Variants in HHIP observed in about 807,000 individuals in gnomAD.
The protein encoded by HHIP is hedgehog-interacting protein.
A neutral mutation model predicts 74.0 loss-of-function variants in HHIP; 12 were observed. The observed-to-expected ratio is 0.16, with a 90% CI of 0.10 to 0.26. The LOEUF (loss-of-function observed/expected upper bound fraction) is 0.26. Ranked by LOEUF, HHIP falls within the 10% of genes least tolerant of loss-of-function variation. The pLI, the probability that HHIP is intolerant of heterozygous loss-of-function variation, is 1.00. For missense variants in HHIP, 788 were observed against 845.0 expected, an observed-to-expected ratio of 0.93 and a Z score of 0.84; for synonymous variants, 309 against 311.6, an observed-to-expected ratio of 0.99 and a Z score of 0.09.
chr4:144,714,578 G>A (rs1730395653), intron 9 of HHIP, among the ~76,000 whole-genome samples: 1 of 151,982 alleles, frequency 6.6e-6, no homozygotes, highest in Non-Finnish European at 1.5e-5. Context: ...AATTTTTAAG[G>A]GCACAGAAGT....
In HHIP at chr4:144,744,155, G is replaced by A. The variant is rs944468342; in HGVS notation, c.*6198G>A. The A allele has an allele frequency of 8.6e-5, 13 of 152,016 alleles. No homozygotes were observed. The highest frequency in any genetic ancestry group is 2.7e-4 in the African/African-American group (11 of 41,394). The allele number at this position is 152,016 out of a possible 1,614,324, so 9.4% of individuals were successfully genotyped here. A position where few individuals can be genotyped will look rare whatever the true frequency, so the allele number is the denominator to read the frequency against. ...TAACTGAGGTACTATGGAATTTTTAGAACTTGATTCCCCAGGACATGCTAC... is the reference window on the plus strand; with the variant it reads ...TAACTGAGGTACTATGGAATTTTTAAAACTTGATTCCCCAGGACATGCTAC... On this transcript the variant is annotated 3_prime_UTR_variant, in exon 13 of 13. Coordinates refer to ENST00000296575, the MANE Select transcript of HHIP (RefSeq NM_022475.3).
Position 144,724,931 on chromosome 4 carries a change from A to T in HHIP, c.1760+5975A>T, listed in dbSNP as rs377562370. On this transcript the variant is annotated intron_variant, in intron 11 of 12. Transcript: ENST00000296575. The stretch of plus-strand genomic sequence containing the variant: ...CATCTAAAAAGCCATAAAATGGAGA[A>T]TGTGAATGGTGAAGAATATATTCTT... Among the ~76,000 whole-genome samples, 18 of 152,008 alleles carry T rather than the reference A, an allele frequency of 1.2e-4. No homozygotes were observed. The South Asian group carries it at 3.7e-3, about 32-fold the overall frequency.
chr4:144,675,923 G>C (rs60776266), intron 4 of HHIP, among the ~76,000 whole-genome samples: 10,428 of 152,160 alleles, frequency 0.069, 676 homozygotes, highest in East Asian at 0.21. Context: ...CTTTGGAGGA[G>C]ATCAACAATA....
chr4:144,672,430 T>A (rs187712853), intron 4 of HHIP, among the ~76,000 whole-genome samples: 4 of 152,250 alleles, frequency 2.6e-5, no homozygotes, highest in African/African-American at 9.6e-5. Context: ...AAGGTGAAGA[T>A]ATACCATGAC....
At chr4:144,708,103 T>C (rs1447950365) in intron 6 of HHIP, 65 bp from the exon 7 acceptor site, 2 of 1,502,646 alleles carry the variant, frequency 1.3e-6, no homozygotes, top group Non-Finnish European at 1.8e-6. Flanking sequence ...AACCTCACCA[T>C]ATTTAATATA....
At position 144,742,990 on chromosome 4, in the gene HHIP, AT is replaced by A. The variant is rs1339103109; in HGVS notation, c.*5034del. The stretch of plus-strand genomic sequence containing the variant: ...ATATATGTATATATATATACATTAT[AT>A]ATATATAATATATATATATTATATA... On this transcript the variant is annotated 3_prime_UTR_variant, in exon 13 of 13. Coordinates refer to ENST00000296575, the MANE Select transcript of HHIP (RefSeq NM_022475.3). The A allele has an allele frequency of 0.3, 292 of 962 alleles. 6 individuals are homozygous for A. Among genetic ancestry groups the A allele is most frequent in the Admixed American group, 0.5 (17 of 34 alleles). 0.1% of individuals were successfully genotyped at this position (962 alleles called of 1,614,324 possible).
chr4:144,653,469 A>G (rs1029030390), intron 2 of HHIP, among the ~76,000 whole-genome samples: 4 of 152,166 alleles, frequency 2.6e-5, no homozygotes, highest in Non-Finnish European at 5.9e-5. Flanking sequence ...CCTAGTCACT[A>G]TTGTAGTTTG....
intron 4 of HHIP, among the ~76,000 whole-genome samples, chr4:144,701,922 A>G (rs911085340): frequency 6.6e-6 from 1 of 152,246 alleles, no homozygotes. Context: ...CTGTAACCAC[A>G]TTAAAGTATG....
At chr4:144,664,427 A>G (rs1274803473) in intron 4 of HHIP, among the ~76,000 whole-genome samples, 1 of 152,222 alleles carries the variant, frequency 6.6e-6, no homozygotes, top group Non-Finnish European at 1.5e-5. Flanking sequence ...TGTGAAATCT[A>G]AGTCCTCATC....
intron 4 of HHIP, among the ~76,000 whole-genome samples, chr4:144,670,718 A>AC (rs1292033443): frequency 3.3e-5 from 5 of 149,664 alleles, no homozygotes; most frequent in African/African-American, 9.9e-5. Flanking sequence ...AAAAAAAAAA[A>AC]AAACAAACAA....
Position 144,646,521 on chromosome 4 carries a change from C to G in HHIP, c.-155C>G, listed in dbSNP as rs1307394009. 6 of 678,688 alleles carry G rather than the reference C, an allele frequency of 8.8e-6. No homozygotes were observed. In the East Asian group the frequency reaches 1.1e-4, roughly 12 times the overall value. The allele number at this position is 678,688 out of a possible 1,614,324, so 42.0% of individuals were successfully genotyped here. Reference sequence around the variant, plus strand: ...TCTTTTATTTTTTGCAAAGTTGCATCGCTGTACATATTTTTGTCCCCGCCA... The same window carrying G: ...TCTTTTATTTTTTGCAAAGTTGCATGGCTGTACATATTTTTGTCCCCGCCA... On this transcript the variant is annotated 5_prime_UTR_variant, in exon 1 of 13. The change creates a new upstream start codon in the 5' untranslated region. Coordinates refer to ENST00000296575, the MANE Select transcript of HHIP (RefSeq NM_022475.3).
chr4:144,715,450 T>C lies in HHIP; in HGVS notation c.1678+20T>C. 3.1e-6 allele frequency: 5 copies of C among 1,599,090 alleles called. No homozygotes were observed. The highest frequency in any genetic ancestry group is 4.3e-6 in the Non-Finnish European group (5 of 1,169,872). On this transcript the variant is annotated intron_variant, in intron 10 of 12. Transcript: ENST00000296575. ...AACTAGGTACTGTACAATCTAGTTC[T>C]GTTAAGTTTCATTCTCACTTCCTTT...
chr4:144,659,787 T>G lies in HHIP; in HGVS notation c.780T>G (p.Ile260Met). 1 of 1,611,288 alleles carries G rather than the reference T, an allele frequency of 6.2e-7. No homozygotes were observed. The change falls in exon 4 of 13, where the codon ATT (isoleucine) becomes ATG (methionine). Residue 260 changes from isoleucine to methionine, a missense_variant. This residue lies in a region of HHIP where 373 missense variants were observed against 366.4 expected (regional missense o/e 1.02). Coordinates refer to ENST00000296575, the MANE Select transcript of HHIP (RefSeq NM_022475.3). ...YVKILTPEGE[I>M]FKEPYLDIHK... ...AGATACTTACCCCTGAAGGAGAAAT[T>G]TTCAAGGAGCCTTATTTGGACATTC...
At chr4:144,662,525 T>C (rs1236540423) in intron 4 of HHIP, among the ~76,000 whole-genome samples, 4 of 152,350 alleles carry the variant, frequency 2.6e-5, no homozygotes, top group Admixed American at 6.5e-5. Context: ...GAAAAAAAAG[T>C]TGTGGCATTG....
chr4:144,728,950 C>T (rs1730873728), intron 11 of HHIP, among the ~76,000 whole-genome samples: 1 of 152,108 alleles, frequency 6.6e-6, no homozygotes, highest in Non-Finnish European at 1.5e-5. Context: ...CTTCAGAATA[C>T]AGCATTCTAC....
intron 4 of HHIP, among the ~76,000 whole-genome samples, chr4:144,678,382 G>T (rs11946517): frequency 6.6e-6 from 1 of 151,944 alleles, no homozygotes; most frequent in Non-Finnish European, 1.5e-5. Flanking sequence ...CTTTGGTAAA[G>T]AAGTATGACT....
Position 144,709,864 on chromosome 4 carries a change from A to G in HHIP, c.1301+1553A>G, listed in dbSNP as rs543371147. Among the ~76,000 whole-genome samples, 79 of 152,264 alleles carry G rather than the reference A, an allele frequency of 5.2e-4. 3 individuals carry two copies. In the South Asian group the frequency reaches 0.016, roughly 30 times the overall value. On this transcript the variant is annotated intron_variant, in intron 7 of 12. Coordinates refer to ENST00000296575, the MANE Select transcript of HHIP (RefSeq NM_022475.3). ...ATTACCCGTACCTCCACACATGCATAGTCTCTCGCATTATGATCATCCCCC... is the reference window on the plus strand; with the variant it reads ...ATTACCCGTACCTCCACACATGCATGGTCTCTCGCATTATGATCATCCCCC...
chr4:144,716,854 G>GAAAAAAAAAAAAAAAAAAAAAA (rs869028218), intron 10 of HHIP, among the ~76,000 whole-genome samples: 4 of 54,654 alleles, frequency 7.3e-5, no homozygotes, highest in Non-Finnish European at 1.0e-4. Flanking sequence ...CGTCTCAAAA[G>GAAAAAAAAAAAAAAAAAAAAAA]AAAAAAAAAA....
chr4:144,732,626 T>C (rs1005449348), intron 11 of HHIP, among the ~76,000 whole-genome samples: 4 of 152,186 alleles, frequency 2.6e-5, no homozygotes, highest in African/African-American at 9.7e-5. Context: ...GTTCCTATAC[T>C]TTGCCTCGAA....
Sources: allele counts gnomAD v4.1 joint callset (sites outside exome capture counted in the v4.1 genomes callset), GRCh38; gene constraint gnomAD v4.1.1; regional missense constraint gnomAD v4.1.1; transcripts MANE v1.5; gene names NCBI Gene and HGNC (gene_info 2026-07-23, HGNC 2026-07-21).